Variants in CNTNAP2 observed in about 807,000 individuals in gnomAD.
The protein encoded by CNTNAP2 is contactin associated protein 2, also known as contactin-associated protein-like 2.
CNTNAP2 carries 98 observed loss-of-function variants against 155.2 expected under a neutral mutation model. That is an observed-to-expected ratio of 0.63 (90% CI 0.54 to 0.75). The LOEUF is 0.75. CNTNAP2 is among the 30% of genes least tolerant of loss of function. The probability of loss-of-function intolerance (pLI) is 0.00; values close to 1 mark genes in which losing one functional copy is unlikely to be tolerated. For synonymous variants in CNTNAP2, 651 were observed against 631.2 expected (o/e 1.03, Z -0.47); for missense variants, 1,727 against 1,688.1 (o/e 1.02, Z -0.40).
intron 1 of CNTNAP2, among the ~76,000 whole-genome samples, chr7:146,690,871 G>A (rs183645030): frequency 3.3e-5 from 5 of 152,036 alleles, no homozygotes; most frequent in African/African-American, 1.2e-4. Context: ...GTTTCATTTT[G>A]TCAGTCCTCT....
At chr7:148,199,417 A>T (rs888084347) in intron 18 of CNTNAP2, among the ~76,000 whole-genome samples, 3 of 152,216 alleles carry the variant, frequency 2.0e-5, no homozygotes, top group African/African-American at 7.2e-5. Context: ...GCTTAGGTGT[A>T]TCCAGAGGTA....
chr7:146,366,363 A>C (rs1342017256), intron 1 of CNTNAP2, among the ~76,000 whole-genome samples: 1 of 152,134 alleles, frequency 6.6e-6, no homozygotes, highest in Non-Finnish European at 1.5e-5. Flanking sequence ...AATCAAGTAT[A>C]AGTTATTAGA....
At chr7:147,784,552 A>G (rs1263176408) in intron 13 of CNTNAP2, among the ~76,000 whole-genome samples, 35 of 56,748 alleles carry the variant, frequency 6.2e-4, no homozygotes, top group Non-Finnish European at 1.5e-3. Flanking sequence ...TATATATATG[A>G]GTTTTTTTGA....
chr7:146,427,244 T>C (rs768266813), intron 1 of CNTNAP2, among the ~76,000 whole-genome samples: 1 of 152,192 alleles, frequency 6.6e-6, no homozygotes, highest in Non-Finnish European at 1.5e-5. Context: ...AGATAGTCTT[T>C]ACTGGAAATG....
At chr7:146,697,643 T>G (rs753001321) in intron 1 of CNTNAP2, among the ~76,000 whole-genome samples, 4 of 152,194 alleles carry the variant, frequency 2.6e-5, no homozygotes, top group Non-Finnish European at 1.5e-5. Context: ...TTGCTGTATC[T>G]TTCTCCATCC....
At chr7:147,119,805 A>G (rs1055520655) in intron 5 of CNTNAP2, among the ~76,000 whole-genome samples, 2 of 151,632 alleles carry the variant, frequency 1.3e-5, no homozygotes, top group African/African-American at 4.8e-5. Flanking sequence ...AGGAAGGAAG[A>G]ATTTAGTGTG....
chr7:148,247,338 T>C (rs1796279965), intron 20 of CNTNAP2, among the ~76,000 whole-genome samples: 3 of 152,274 alleles, frequency 2.0e-5, no homozygotes, highest in African/African-American at 4.8e-5. Context: ...TCAGGTTTGC[T>C]TGTGAGTCCC....
chr7:147,124,053 C>CA (rs546425495), intron 6 of CNTNAP2, among the ~76,000 whole-genome samples: 108 of 152,040 alleles, frequency 7.1e-4, no homozygotes, highest in African/African-American at 2.0e-3. Context: ...AAAAACAAAA[C>CA]AAAAAACAAA....
In CNTNAP2 at chr7:148,378,274, G is replaced by A. The variant is rs1391525726; in HGVS notation, c.3476-5375G>A. ...ACACCTGGTCCAGTTAGGTAGAGCC[G>A]GGAGCAGAATCCAGGAGGAAGCCCC... On this transcript the variant is annotated intron_variant, in intron 21 of 23. Coordinates refer to ENST00000361727, the MANE Select transcript of CNTNAP2 (RefSeq NM_014141.6). Among the ~76,000 whole-genome samples the A allele has an allele frequency of 3.0e-5, 2 of 67,746 alleles. 1 individual carries two copies. Among genetic ancestry groups the A allele is most frequent in the African/African-American group, 7.2e-5 (2 of 27,616 alleles). 44.4% of individuals were successfully genotyped at this position (67,746 alleles called of 152,430 possible). A position where few individuals can be genotyped will look rare whatever the true frequency, so the allele number is the denominator to read the frequency against.
At chr7:146,500,951 A>AT (rs1797291903) in intron 1 of CNTNAP2, among the ~76,000 whole-genome samples, 1 of 151,704 alleles carries the variant, frequency 6.6e-6, no homozygotes, top group South Asian at 2.1e-4. Context: ...TTTTGCCAAA[A>AT]TTTTTTTCAA....
At chr7:146,657,090 G>A (rs893137099) in intron 1 of CNTNAP2, among the ~76,000 whole-genome samples, 1 of 152,156 alleles carries the variant, frequency 6.6e-6, no homozygotes, top group Non-Finnish European at 1.5e-5. Context: ...CTCTCTGTGT[G>A]TGTGAATACA....
chr7:146,667,755 T>C (rs1800223770), intron 1 of CNTNAP2, among the ~76,000 whole-genome samples: 1 of 152,022 alleles, frequency 6.6e-6, no homozygotes, highest in African/African-American at 2.4e-5. Flanking sequence ...TTGGACTGTC[T>C]TCTTGATCTC....
chr7:146,830,294 G>A (rs1239022797), intron 2 of CNTNAP2, among the ~76,000 whole-genome samples: 1 of 152,022 alleles, frequency 6.6e-6, no homozygotes, highest in African/African-American at 2.4e-5. Context: ...ATCACTTCTA[G>A]AACAATTTAT....
At chr7:146,442,966 G>A (rs931059823) in intron 1 of CNTNAP2, among the ~76,000 whole-genome samples, 2 of 152,074 alleles carry the variant, frequency 1.3e-5, no homozygotes, top group South Asian at 4.1e-4. Flanking sequence ...CAGCACTTTG[G>A]GAGGCCGAGG....
At chr7:146,811,163 T>A (rs1163207437) in intron 2 of CNTNAP2, among the ~76,000 whole-genome samples, 1 of 152,188 alleles carries the variant, frequency 6.6e-6, no homozygotes, top group Non-Finnish European at 1.5e-5. Context: ...ACATTGGAAG[T>A]GTTCCCATCT....
intron 13 of CNTNAP2, among the ~76,000 whole-genome samples, chr7:147,734,153 T>C (rs547277645): frequency 1.8e-4 from 28 of 152,326 alleles, no homozygotes; most frequent in Middle Eastern, 3.4e-3. Flanking sequence ...GCTGTGGGTT[T>C]GTCATAAATA....
intron 1 of CNTNAP2, among the ~76,000 whole-genome samples, chr7:146,692,281 C>T (rs994589612): frequency 6.6e-6 from 1 of 152,068 alleles, no homozygotes; most frequent in African/African-American, 2.4e-5. Flanking sequence ...TAGGAAATGC[C>T]GTTTGATGTT....
intron 1 of CNTNAP2, among the ~76,000 whole-genome samples, chr7:146,246,230 T>C (rs934599498): frequency 3.3e-5 from 5 of 149,894 alleles, no homozygotes; most frequent in Admixed American, 6.6e-5. Flanking sequence ...TACTTGTGGG[T>C]TAAGGTGGGG....
chr7:146,800,203 G>A (rs776720073), intron 2 of CNTNAP2, among the ~76,000 whole-genome samples: 2 of 152,076 alleles, frequency 1.3e-5, no homozygotes, highest in Non-Finnish European at 2.9e-5. Flanking sequence ...ATTTATTAAA[G>A]GGACTTTTTT....
Sources: allele counts gnomAD v4.1 joint callset (sites outside exome capture counted in the v4.1 genomes callset), GRCh38; gene constraint gnomAD v4.1.1; transcripts MANE v1.5; gene names NCBI Gene and HGNC (gene_info 2026-07-23, HGNC 2026-07-21).